The following TASOR variants were observed in gnomAD, a reference collection of about 807,000 sequenced individuals.
TASOR encodes the protein transcription activation suppressor.
TASOR carries 53 observed loss-of-function variants against 178.6 expected under a neutral mutation model. The ratio of observed to expected loss-of-function variants is 0.30; its 90% CI spans 0.24 to 0.37. The LOEUF (loss-of-function observed/expected upper bound fraction) is 0.37. TASOR is among the 10% of genes least tolerant of loss of function. The pLI, the probability that TASOR is intolerant of heterozygous loss-of-function variation, is 1.00. For synonymous variants in TASOR, 713 were observed against 696.2 expected (o/e 1.02, Z -0.38); for missense variants, 1,815 against 1,971.4 (o/e 0.92, Z 1.50).
intron 1 of TASOR, among the ~76,000 whole-genome samples, chr3:56,679,760 A>T (rs1055519846): frequency 1.3e-5 from 2 of 152,206 alleles, no homozygotes; most frequent in African/African-American, 4.8e-5. Flanking sequence ...ACCAATTTTA[A>T]TTTACTTTTT....
chr3:56,643,705 A>G (rs1283229343), intron 14 of TASOR, among the ~76,000 whole-genome samples: 1 of 151,024 alleles, frequency 6.6e-6, no homozygotes. Context: ...CAGTGAGCCG[A>G]GATTGTGCCA....
chr3:56,672,620 T>C (rs563882832), intron 2 of TASOR, among the ~76,000 whole-genome samples: 14 of 152,224 alleles, frequency 9.2e-5, no homozygotes, highest in Non-Finnish European at 1.5e-4. Flanking sequence ...CAATTATTCT[T>C]CTTTGTTTGA....
Position 56,633,857 on chromosome 3 carries a change from G to A in TASOR, c.2934C>T (p.Ser978=), listed in dbSNP as rs2076964732. The part of the protein sequence containing the change: ...RQRSSDYQFP[S]SPFTDTLKGT... Reference sequence around the variant, plus strand: ...CCTTTAGTGTGTCTGTAAATGGAGAGGATGGAAACTGGTAATCAGAACTTC... The same window carrying A: ...CCTTTAGTGTGTCTGTAAATGGAGAAGATGGAAACTGGTAATCAGAACTTC... The change falls in exon 18 of 24, where the codon TCC becomes TCT. Residue 978 remains serine (S), a synonymous_variant. Transcript: ENST00000683822. 6.2e-7 allele frequency: 1 copy of A among 1,613,258 alleles called. No individual in the cohort carries two copies.
intron 17 of TASOR, 73 bp downstream of exon 17, chr3:56,638,633 G>A: frequency 6.7e-7 from 1 of 1,483,554 alleles, no homozygotes; most frequent in Admixed American, 1.7e-5. Context: ...CCCTATTGAT[G>A]GAGTATCAGA....
At chr3:56,653,001 A>G (rs1578244952) in intron 11 of TASOR, among the ~76,000 whole-genome samples, 1 of 152,168 alleles carries the variant, frequency 6.6e-6, no homozygotes, top group African/African-American at 2.4e-5. Flanking sequence ...GCAGTGGCTC[A>G]CGCCTGTAAT....
chr3:56,634,470 A>C (rs188585883), intron 17 of TASOR, among the ~76,000 whole-genome samples: 7 of 152,364 alleles, frequency 4.6e-5, no homozygotes, highest in African/African-American at 1.4e-4. Context: ...TCTAGGATCT[A>C]GGATAATTAA....
Position 56,682,659 on chromosome 3 carries a change from A to G in TASOR, c.331+17T>C. ...AGGGGAGAGAGAGAGGGGGTTGAGA[A>G]GAAGGGGAGGCACCACCTTTCTTTT... On this transcript the variant is annotated intron_variant, in intron 1 of 23. Coordinates refer to ENST00000683822, the MANE Select transcript of TASOR (RefSeq NM_001365635.2). 1 of 1,449,208 alleles carries G rather than the reference A, an allele frequency of 6.9e-7. No individual in the cohort carries two copies. Among genetic ancestry groups the G allele is most frequent in the Non-Finnish European group, 9.1e-7 (1 of 1,096,572 alleles). 89.8% of individuals were successfully genotyped at this position (1,449,208 alleles called of 1,614,324 possible).
At chr3:56,629,862 AC>A (rs756578329) in intron 18 of TASOR, among the ~76,000 whole-genome samples, 48 of 152,216 alleles carry the variant, frequency 3.2e-4, no homozygotes, top group Non-Finnish European at 5.9e-4. Context: ...CTAAAGCAGC[AC>A]CTTCTACACT....
intron 19 of TASOR, 91 bp downstream of exon 19, chr3:56,628,400 CT>C: frequency 8.2e-7 from 1 of 1,217,982 alleles, no homozygotes; most frequent in Non-Finnish European, 1.2e-6. Flanking sequence ...TCCTTTAAAG[CT>C]TATTTTAAAA....
At position 56,660,489 on chromosome 3, in the gene TASOR, CA is replaced by C. The variant is rs35016053; in HGVS notation, c.1368+241del. 3.5e-3 allele frequency among the ~76,000 whole-genome samples: 228 copies of C among 66,060 alleles called. 1 individual carries two copies. The highest frequency in any genetic ancestry group is 7.9e-3 in the Middle Eastern group (1 of 126). The allele number at this position is 66,060 out of a possible 152,430, so 43.3% of individuals were successfully genotyped here. The stretch of plus-strand genomic sequence containing the variant: ...CTGGTGAGACAGCAAGACTCCGTCT[CA>C]AAAAAAAAAAAAAAAAAAAGATATT... On this transcript the variant is annotated intron_variant, in intron 11 of 23. Coordinates refer to ENST00000683822, the MANE Select transcript of TASOR (RefSeq NM_001365635.2).
chr3:56,646,837 G>A lies in TASOR; in HGVS notation c.1900C>T (p.Pro634Ser), dbSNP rs1377255141. 3.1e-6 allele frequency: 5 copies of A among 1,608,822 alleles called. No homozygotes were observed. The highest frequency in any genetic ancestry group is 2.2e-5 in the East Asian group (1 of 44,826). The change falls in exon 14 of 24, where the codon CCA becomes TCA. Residue 634 changes from proline (P) to serine (S), a missense_variant. Around this residue, in one of 5 missense-constraint regions of TASOR, gnomAD observed 504 missense variants for 645.3 expected, o/e 0.78. Coordinates refer to ENST00000683822, the MANE Select transcript of TASOR (RefSeq NM_001365635.2). Reference protein sequence around the residue: ...EENRKLQQFSPLSDYEGQEEE... With the variant: ...EENRKLQQFSSLSDYEGQEEE... Reference sequence around the variant, plus strand: ...TCTTGACCTTCATAATCTGAAAGTGGACTAAACTGCTGAAGTTTTCTATTT... The same window carrying A: ...TCTTGACCTTCATAATCTGAAAGTGAACTAAACTGCTGAAGTTTTCTATTT...
chr3:56,621,887 A>G lies in TASOR; in HGVS notation c.*1150T>C, dbSNP rs1170066832. The stretch of plus-strand genomic sequence containing the variant: ...CTGGGTATTGAAGCCCTATAAAAAC[A>G]CTTTCTACTTACCTTAATATAGTCT... On this transcript the variant is annotated 3_prime_UTR_variant, in exon 24 of 24. Transcript: ENST00000683822. 1 of 198,030 alleles carries G rather than the reference A, an allele frequency of 5.0e-6. No individual in the cohort carries two copies. Among genetic ancestry groups the G allele is most frequent in the African/African-American group, 2.3e-5 (1 of 42,724 alleles). 12.3% of individuals were successfully genotyped at this position (198,030 alleles called of 1,614,324 possible). A position where few individuals can be genotyped will look rare whatever the true frequency, so the allele number is the denominator to read the frequency against.
intron 17 of TASOR, among the ~76,000 whole-genome samples, chr3:56,636,346 T>C (rs2077015785): frequency 6.6e-6 from 1 of 152,094 alleles, no homozygotes; most frequent in African/African-American, 2.4e-5. Context: ...TATAAGTGAT[T>C]GAAAACACAC....
At position 56,633,591 on chromosome 3, in the gene TASOR, G is replaced by A; in HGVS notation, c.3200C>T (p.Ser1067Phe). 2 of 1,614,128 alleles carry A rather than the reference G, an allele frequency of 1.2e-6. No individual in the cohort carries two copies. Among genetic ancestry groups the A allele is most frequent in the Non-Finnish European group, 1.7e-6 (2 of 1,180,036 alleles). ...CTGCACACCAGCTTTGGAAGTCTTA[G>A]AATATATGAACTCGGAAAGCCGTTT... ...KMKRLSEFIY[S>F]KTSKAGVQEF... Residue 1067 changes from serine to phenylalanine, a missense_variant, in exon 18 of 24, where the codon TCT becomes TTT. Physicochemically the swap from Ser to Phe is radical, Grantham distance 155. This residue lies in a region of TASOR where 655 missense variants were observed against 671.1 expected (regional missense o/e 0.98). Coordinates refer to ENST00000683822, the MANE Select transcript of TASOR (RefSeq NM_001365635.2).
chr3:56,660,903 A>C lies in TASOR; in HGVS notation c.1264+11T>G. On this transcript the variant is annotated intron_variant, in intron 10 of 23. Coordinates refer to ENST00000683822, the MANE Select transcript of TASOR (RefSeq NM_001365635.2). ...CTTCTAATGCATTTCAATAAAATTAAATTACCTTACCTTCATTTGGACCTA... is the reference window on the plus strand; with the variant it reads ...CTTCTAATGCATTTCAATAAAATTACATTACCTTACCTTCATTTGGACCTA... The C allele has an allele frequency of 6.2e-7, 1 of 1,608,814 alleles. No individual in the cohort carries two copies. The highest frequency in any genetic ancestry group is 1.1e-5 in the South Asian group (1 of 89,874).
intron 14 of TASOR, 93 bp from the exon 15 acceptor site, chr3:56,641,845 T>C (rs1370650282): frequency 7.6e-6 from 10 of 1,315,596 alleles, no homozygotes; most frequent in Non-Finnish European, 9.3e-6. Context: ...TCATAAAGCA[T>C]TTATGGTCAG....
intron 9 of TASOR, 145 bp from the exon 10 acceptor site, chr3:56,661,162 C>A: frequency 1.6e-6 from 1 of 618,762 alleles, no homozygotes. Flanking sequence ...TCTTTTGTTT[C>A]GTTTGTGACA....
rs1276595667 is a variant in TASOR at position 56,682,786 on chromosome 3, G to C, written c.221C>G (p.Pro74Arg). 1 of 1,550,388 alleles carries C rather than the reference G, an allele frequency of 6.4e-7. No individual in the cohort carries two copies. The highest frequency in any genetic ancestry group is 1.4e-5 in the African/African-American group (1 of 72,980). ...CGCGCCCGCCTCAGAGGAGTCCTGA[G>C]GCTGCTCGTGGCTGAGGCTCTGGGC... is the stretch of plus-strand genomic sequence containing the variant. The part of the protein sequence containing the change: ...EAAQSLSHEQ[P>R]QDSSEAGAAA... The change falls in exon 1 of 24, where the codon CCT becomes CGT. Residue 74 changes from proline (P) to arginine (R), a missense_variant. Physicochemically the swap from Pro to Arg is moderately radical, Grantham distance 103. This residue lies in a region of TASOR where 244 missense variants were observed against 202.7 expected (regional missense o/e 1.20). Transcript: ENST00000683822.
intron 17 of TASOR, among the ~76,000 whole-genome samples, chr3:56,634,531 T>A (rs1294714812): frequency 1.3e-5 from 2 of 152,232 alleles, no homozygotes; most frequent in Non-Finnish European, 2.9e-5. Flanking sequence ...TAAGTAGATT[T>A]CCTGTAATGT....
Sources: allele counts gnomAD v4.1 joint callset (sites outside exome capture counted in the v4.1 genomes callset), GRCh38; gene constraint gnomAD v4.1.1; regional missense constraint gnomAD v4.1.1; transcripts MANE v1.5; gene names NCBI Gene and HGNC (gene_info 2026-07-23, HGNC 2026-07-21).